The following CNTN5 variants were observed in gnomAD, a reference collection of about 807,000 sequenced individuals.
CNTN5 encodes contactin 5.
A neutral mutation model predicts 129.1 loss-of-function variants in CNTN5; 77 were observed. The ratio of observed to expected loss-of-function variants is 0.60; its 90% CI spans 0.50 to 0.72. CNTN5 has a LOEUF of 0.72. CNTN5 is among the 30% of genes least tolerant of loss of function. CNTN5 has a pLI of 0.00. For missense variants in CNTN5, 1,478 were observed against 1,328.8 expected (o/e 1.11, Z -1.75); for synonymous variants, 509 against 465.6 (o/e 1.09, Z -1.20).
At chr11:100,126,452 G>A (rs1591287061) in intron 13 of CNTN5, among the ~76,000 whole-genome samples, 1 of 152,194 alleles carries the variant, frequency 6.6e-6, no homozygotes, top group East Asian at 1.9e-4. Context: ...CTTGTTTTAT[G>A]AATCTGGGTG....
intron 1 of CNTN5, among the ~76,000 whole-genome samples, chr11:99,287,272 A>G (rs537964446): frequency 1.3e-5 from 2 of 152,298 alleles, no homozygotes; most frequent in African/African-American, 4.8e-5. Context: ...TGAAGCTGAA[A>G]TAGTATTATT....
intron 6 of CNTN5, among the ~76,000 whole-genome samples, chr11:99,853,846 A>T (rs1382699724): frequency 7.9e-5 from 12 of 152,138 alleles, no homozygotes; most frequent in Admixed American, 7.9e-4. Context: ...GAAAAAAAAA[A>T]TGAAGCTGAG....
At chr11:99,579,393 G>A (rs1201381866) in intron 3 of CNTN5, among the ~76,000 whole-genome samples, 1 of 151,842 alleles carries the variant, frequency 6.6e-6, no homozygotes, top group Non-Finnish European at 1.5e-5. Flanking sequence ...TGATGGGGAT[G>A]GCATTGAATG....
intron 1 of CNTN5, among the ~76,000 whole-genome samples, chr11:99,200,415 G>A (rs1009437227): frequency 1.3e-5 from 2 of 152,090 alleles, no homozygotes; most frequent in Non-Finnish European, 2.9e-5. Context: ...AGTACCCAAA[G>A]TACGATTCAG....
chr11:99,822,886 C>T (rs891437368), intron 4 of CNTN5, among the ~76,000 whole-genome samples: 1 of 152,194 alleles, frequency 6.6e-6, no homozygotes, highest in Admixed American at 6.5e-5. Context: ...AAGCCACTGG[C>T]TTCCATCTTG....
At chr11:100,043,378 T>G (rs1942479668) in intron 9 of CNTN5, among the ~76,000 whole-genome samples, 1 of 152,218 alleles carries the variant, frequency 6.6e-6, no homozygotes, top group Non-Finnish European at 1.5e-5. Flanking sequence ...ATAGCCACTC[T>G]ATCAATTTTT....
chr11:100,212,796 T>C (rs1949060139), intron 15 of CNTN5, among the ~76,000 whole-genome samples: 2 of 152,132 alleles, frequency 1.3e-5, no homozygotes, highest in Non-Finnish European at 2.9e-5. Context: ...TAACTTGAAA[T>C]CATGAAATGA....
chr11:100,284,215 C>A (rs751511326), intron 18 of CNTN5, among the ~76,000 whole-genome samples: 34 of 152,134 alleles, frequency 2.2e-4, no homozygotes, highest in Non-Finnish European at 4.3e-4. Flanking sequence ...GAAGTTTAAA[C>A]CAAATACTGT....
At chr11:99,656,025 G>A (rs694478) in intron 3 of CNTN5, among the ~76,000 whole-genome samples, 1 of 151,712 alleles carries the variant, frequency 6.6e-6, no homozygotes, top group South Asian at 2.1e-4. Context: ...TCTGAATACA[G>A]GTATGTGTGT....
At chr11:99,683,042 T>A (rs1953629165) in intron 3 of CNTN5, among the ~76,000 whole-genome samples, 1 of 151,998 alleles carries the variant, frequency 6.6e-6, no homozygotes. Flanking sequence ...GTATTTGTTA[T>A]TTATTAACAT....
At chr11:99,909,829 G>A (rs1949609832) in intron 6 of CNTN5, among the ~76,000 whole-genome samples, 1 of 151,804 alleles carries the variant, frequency 6.6e-6, no homozygotes, top group African/African-American at 2.4e-5. Flanking sequence ...GGGGAGAGGG[G>A]AGGGATAGCA....
At chr11:99,229,870 GTATC>G (rs929629499) in intron 1 of CNTN5, among the ~76,000 whole-genome samples, 1 of 152,030 alleles carries the variant, frequency 6.6e-6, no homozygotes, top group South Asian at 2.1e-4. Flanking sequence ...TTAAAAAAGA[GTATC>G]TGTCTATCTA....
intron 13 of CNTN5, among the ~76,000 whole-genome samples, chr11:100,168,350 T>C (rs960443526): frequency 1.3e-5 from 2 of 151,966 alleles, no homozygotes; most frequent in Non-Finnish European, 2.9e-5. Flanking sequence ...AGTGAATGCC[T>C]GGCTTCAAAG....
intron 15 of CNTN5, among the ~76,000 whole-genome samples, chr11:100,221,748 C>T (rs2138620571): frequency 6.6e-6 from 1 of 151,068 alleles, no homozygotes; most frequent in Non-Finnish European, 1.5e-5. Flanking sequence ...CTGGTTGTGG[C>T]AAAATTCATT....
chr11:100,204,824 A>G (rs1257823288), intron 15 of CNTN5, among the ~76,000 whole-genome samples: 1 of 152,082 alleles, frequency 6.6e-6, no homozygotes, highest in Non-Finnish European at 1.5e-5. Context: ...AAATACTGAT[A>G]TGTTTTATAA....
At chr11:100,265,795 G>A (rs755067554) in intron 17 of CNTN5, among the ~76,000 whole-genome samples, 1 of 152,052 alleles carries the variant, frequency 6.6e-6, no homozygotes, top group African/African-American at 2.4e-5. Context: ...TTTGAAAAAA[G>A]TATGCAAACA....
At chr11:99,413,577 C>A (rs570669502) in intron 2 of CNTN5, among the ~76,000 whole-genome samples, 1 of 152,040 alleles carries the variant, frequency 6.6e-6, no homozygotes, top group East Asian at 1.9e-4. Flanking sequence ...TGAGATCATG[C>A]CACTTCACTC....
intron 1 of CNTN5, among the ~76,000 whole-genome samples, chr11:99,237,457 C>T (rs1453940435): frequency 6.6e-6 from 1 of 152,064 alleles, no homozygotes; most frequent in Non-Finnish European, 1.5e-5. Flanking sequence ...CCGAGGTGGG[C>T]GCATCACGAA....
At chr11:100,355,961 A>G (rs1247584826) in intron 24 of CNTN5, among the ~76,000 whole-genome samples, 156 bp from the exon 25 acceptor site, 1 of 151,686 alleles carries the variant, frequency 6.6e-6, no homozygotes, top group Non-Finnish European at 1.5e-5. Context: ...AACTTTGGGA[A>G]CCTCAGATAA....
Sources: allele counts gnomAD v4.1 joint callset (sites outside exome capture counted in the v4.1 genomes callset), GRCh38; gene constraint gnomAD v4.1.1; transcripts MANE v1.5; gene names NCBI Gene and HGNC (gene_info 2026-07-23, HGNC 2026-07-21).